BBS9: variants seen among roughly 807,000 people sequenced by gnomAD.
BBS9 encodes protein PTHB1.
BBS9 carries 89 observed loss-of-function variants against 117.7 expected under a neutral mutation model. The ratio of observed to expected loss-of-function variants is 0.76; its 90% CI spans 0.64 to 0.90. The LOEUF is 0.90. Ranked by LOEUF, BBS9 falls within the 40% of genes least tolerant of loss-of-function variation. BBS9 has a pLI of 0.00. For missense variants in BBS9, 982 were observed against 1,042.2 expected, an observed-to-expected ratio of 0.94 and a Z score of 0.80; for synonymous variants, 379 against 370.9, an observed-to-expected ratio of 1.02 and a Z score of -0.25.
chr7:33,507,560 T>G (rs1248051301), intron 20 of BBS9, among the ~76,000 whole-genome samples: 1 of 152,176 alleles, frequency 6.6e-6, no homozygotes, highest in South Asian at 2.1e-4. Flanking sequence ...TTAGTAACTT[T>G]CATGGTTATT....
chr7:33,569,718 C>T (rs1302801371), intron 21 of BBS9, among the ~76,000 whole-genome samples: 5 of 152,000 alleles, frequency 3.3e-5, no homozygotes, highest in Non-Finnish European at 5.9e-5. Flanking sequence ...GCCGAGATCG[C>T]GCCACTGCAC....
At chr7:33,245,694 A>C (rs1198555915) in intron 5 of BBS9, among the ~76,000 whole-genome samples, 1 of 152,196 alleles carries the variant, frequency 6.6e-6, no homozygotes, top group Admixed American at 6.5e-5. Flanking sequence ...CTAATCTAGA[A>C]CTACAGTTTA....
At chr7:33,319,107 G>A (rs570637626) in intron 9 of BBS9, among the ~76,000 whole-genome samples, 1 of 151,174 alleles carries the variant, frequency 6.6e-6, no homozygotes, top group Admixed American at 6.6e-5. Context: ...AGGTTGCAGT[G>A]AGCCAAGATC....
intron 21 of BBS9, among the ~76,000 whole-genome samples, chr7:33,586,819 T>A (rs557322770): frequency 4.7e-4 from 72 of 152,222 alleles, no homozygotes; most frequent in African/African-American, 1.7e-3. Flanking sequence ...ATACCACATG[T>A]TCTCACTTAT....
intron 5 of BBS9, among the ~76,000 whole-genome samples, chr7:33,217,520 G>T (rs1789312779): frequency 6.6e-6 from 1 of 152,166 alleles, no homozygotes; most frequent in Non-Finnish European, 1.5e-5. Flanking sequence ...AACACTACCT[G>T]CTGATTACTT....
chr7:33,255,993 C>A (rs1275385701), intron 5 of BBS9, among the ~76,000 whole-genome samples: 1 of 151,722 alleles, frequency 6.6e-6, no homozygotes. Context: ...CCTGTCTCTA[C>A]TAAAAGTACA....
intron 1 of BBS9, among the ~76,000 whole-genome samples, chr7:33,137,613 T>C (rs1486277670): frequency 6.6e-6 from 1 of 152,152 alleles, no homozygotes; most frequent in East Asian, 1.9e-4. Context: ...TGATGAGAGT[T>C]TGTGGTTTCT....
chr7:33,183,071 C>A (rs908348390), intron 5 of BBS9, among the ~76,000 whole-genome samples: 11 of 152,280 alleles, frequency 7.2e-5, no homozygotes, highest in African/African-American at 2.6e-4. Flanking sequence ...AGTGTATTTC[C>A]TACCTAGTTA....
Position 33,441,287 on chromosome 7 carries a change from A to T in BBS9, c.2115+53143A>T, listed in dbSNP as rs536530149. Among the ~76,000 whole-genome samples the T allele has an allele frequency of 8.8e-4, 134 of 152,120 alleles. 1 individual carries two copies. Among genetic ancestry groups the T allele is most frequent in the Admixed American group, 8.5e-4 (13 of 15,288 alleles). On this transcript the variant is annotated intron_variant, in intron 19 of 22. Coordinates refer to ENST00000242067, the MANE Select transcript of BBS9 (RefSeq NM_198428.3). ...GGATGAGCTGTAGATGGCCAAAAAA[A>T]AAAAATAAAATAAAAGGGTGGGGAG...
chr7:33,530,760 T>G (rs1194656028), intron 20 of BBS9, among the ~76,000 whole-genome samples: 1 of 152,212 alleles, frequency 6.6e-6, no homozygotes, highest in Non-Finnish European at 1.5e-5. Flanking sequence ...CTTTTAGGTC[T>G]CTTGAATCTG....
intron 16 of BBS9, among the ~76,000 whole-genome samples, chr7:33,358,297 T>C (rs958375215): frequency 1.3e-5 from 2 of 151,830 alleles, no homozygotes; most frequent in Non-Finnish European, 3.0e-5. Context: ...GGAATGTAAA[T>C]ATTTATTATT....
chr7:33,456,326 G>T (rs1421727521), intron 19 of BBS9, among the ~76,000 whole-genome samples: 1 of 152,136 alleles, frequency 6.6e-6, no homozygotes, highest in Non-Finnish European at 1.5e-5. Flanking sequence ...GAAAAAATGT[G>T]CATTTAATTA....
intron 4 of BBS9, among the ~76,000 whole-genome samples, chr7:33,171,698 C>G (rs983542451): frequency 6.6e-6 from 1 of 152,060 alleles, no homozygotes; most frequent in Non-Finnish European, 1.5e-5. Context: ...CAGACAAACT[C>G]ATGTTTAATA....
chr7:33,304,930 A>G (rs1807562596), intron 9 of BBS9, among the ~76,000 whole-genome samples: 1 of 152,120 alleles, frequency 6.6e-6, no homozygotes, highest in Admixed American at 6.5e-5. Context: ...AGATGCTTGA[A>G]GGCAGCATGC....
intron 21 of BBS9, among the ~76,000 whole-genome samples, chr7:33,540,569 A>G (rs1407111036): frequency 6.6e-6 from 1 of 152,260 alleles, no homozygotes; most frequent in East Asian, 1.9e-4. Flanking sequence ...TGAAAATGAC[A>G]TATATAACTT....
chr7:33,624,649 C>T (rs1865558782), intron 21 of BBS9, among the ~76,000 whole-genome samples: 1 of 152,108 alleles, frequency 6.6e-6, no homozygotes, highest in Non-Finnish European at 1.5e-5. Flanking sequence ...AACAACAGCG[C>T]AATAGTACTT....
intron 19 of BBS9, among the ~76,000 whole-genome samples, chr7:33,466,265 C>T (rs565346657): frequency 6.6e-6 from 1 of 152,218 alleles, no homozygotes; most frequent in South Asian, 2.1e-4. Context: ...TATTCATCCT[C>T]CATGAATAAG....
intron 5 of BBS9, among the ~76,000 whole-genome samples, chr7:33,191,429 A>G (rs1419191659): frequency 1.3e-5 from 2 of 152,180 alleles, no homozygotes; most frequent in Non-Finnish European, 2.9e-5. Flanking sequence ...AGAGTGAAAT[A>G]GGTGCTGGGT....
At chr7:33,298,493 A>T (rs572135220) in intron 9 of BBS9, among the ~76,000 whole-genome samples, 1 of 152,194 alleles carries the variant, frequency 6.6e-6, no homozygotes, top group Non-Finnish European at 1.5e-5. Context: ...ACTTTTAACA[A>T]TTATTTTACT....
Sources: gnomAD v4.1 joint callset for allele counts (sites outside exome capture counted in the v4.1 genomes callset) on GRCh38, gnomAD v4.1.1 for gene constraint, MANE v1.5 for transcripts, NCBI Gene and HGNC (gene_info 2026-07-23, HGNC 2026-07-21) for gene names.